The following SYT1 variants were observed in gnomAD, a reference collection of about 807,000 sequenced individuals.
SYT1 encodes synaptotagmin 1, also known as synaptotagmin-1.
Under a neutral mutation model 44.8 loss-of-function variants are expected in SYT1, and 8 were observed. The ratio of observed to expected loss-of-function variants is 0.18; its 90% confidence interval spans 0.10 to 0.32. SYT1 has a LOEUF of 0.32. Among genes scored for constraint, SYT1 ranks in the 10% least tolerant of loss-of-function variants. The pLI, the probability that SYT1 is intolerant of heterozygous loss-of-function variation, is 1.00. For missense variants in SYT1, 286 were observed against 509.3 expected (o/e 0.56, Z 4.22); for synonymous variants, 154 against 188.8 (o/e 0.82, Z 1.51).
intron 1 of SYT1, among the ~76,000 whole-genome samples, chr12:78,906,708 T>C (rs1014796934): frequency 3.9e-5 from 6 of 152,026 alleles, no homozygotes; most frequent in African/African-American, 1.2e-4. Context: ...GGGGTGTCTG[T>C]CCTGGTGTAA....
At chr12:79,185,591 A>T (rs1872758209) in intron 3 of SYT1, among the ~76,000 whole-genome samples, 1 of 152,070 alleles carries the variant, frequency 6.6e-6, no homozygotes, top group African/African-American at 2.4e-5. Context: ...ATATATGTTA[A>T]AAAAAGAGTA....
At chr12:79,354,819 T>A (rs1249350464) in intron 9 of SYT1, among the ~76,000 whole-genome samples, 1 of 152,192 alleles carries the variant, frequency 6.6e-6, no homozygotes. Flanking sequence ...CCCTCCTAGA[T>A]TATTACTTAG....
intron 9 of SYT1, among the ~76,000 whole-genome samples, chr12:79,399,961 G>A (rs1394018943): frequency 6.6e-6 from 1 of 152,192 alleles, no homozygotes; most frequent in African/African-American, 2.4e-5. Flanking sequence ...AGCTTCTAGA[G>A]ATCTTTAACC....
chr12:78,947,266 T>C (rs757152485), intron 1 of SYT1, among the ~76,000 whole-genome samples: 2 of 152,134 alleles, frequency 1.3e-5, no homozygotes, highest in East Asian at 1.9e-4. Flanking sequence ...TACCAAATGA[T>C]AGAGAGGAAA....
At chr12:79,259,794 T>A (rs2138724594) in intron 4 of SYT1, among the ~76,000 whole-genome samples, 1 of 152,306 alleles carries the variant, frequency 6.6e-6, no homozygotes, top group East Asian at 1.9e-4. Context: ...TGGAGCCATA[T>A]GGGGCAAAGT....
At chr12:79,245,949 A>G (rs1229317825) in intron 4 of SYT1, among the ~76,000 whole-genome samples, 1 of 152,142 alleles carries the variant, frequency 6.6e-6, no homozygotes, top group Non-Finnish European at 1.5e-5. Flanking sequence ...TAATTGAGAT[A>G]CGTGGAAAGA....
intron 9 of SYT1, among the ~76,000 whole-genome samples, chr12:79,410,018 T>C (rs925548853): frequency 5.9e-5 from 9 of 152,154 alleles, no homozygotes; most frequent in African/African-American, 1.9e-4. Context: ...TTATTGCTCA[T>C]ATCTTCATGG....
chr12:79,260,793 C>T (rs1877787669), intron 4 of SYT1, among the ~76,000 whole-genome samples: 2 of 135,350 alleles, frequency 1.5e-5, no homozygotes, highest in South Asian at 4.7e-4. Context: ...TCTGTTTTTA[C>T]AGAAATCTCA....
chr12:79,171,539 T>C (rs1430088077), intron 3 of SYT1, among the ~76,000 whole-genome samples: 1 of 152,068 alleles, frequency 6.6e-6, no homozygotes, highest in Admixed American at 6.6e-5. Flanking sequence ...TTCACATGAC[T>C]TGTGTATTAT....
intron 3 of SYT1, among the ~76,000 whole-genome samples, chr12:79,179,526 GATAT>G (rs1565842499): frequency 4.8e-4 from 7 of 14,504 alleles, no homozygotes; most frequent in Non-Finnish European, 8.1e-4. Context: ...TATCTATATA[GATAT>G]AGATATAGAT....
At chr12:79,310,176 C>A (rs1880700486) in intron 8 of SYT1, among the ~76,000 whole-genome samples, 1 of 151,964 alleles carries the variant, frequency 6.6e-6, no homozygotes, top group Admixed American at 6.6e-5. Flanking sequence ...TTTAATCCAT[C>A]TTGAATTAAT....
intron 2 of SYT1, among the ~76,000 whole-genome samples, chr12:78,985,483 C>T (rs1869577687): frequency 6.6e-6 from 1 of 151,498 alleles, no homozygotes; most frequent in African/African-American, 2.4e-5. Context: ...TTTTATGTTA[C>T]ATAGAAGGAG....
At position 78,883,943 on chromosome 12, in the gene SYT1, A is replaced by G. The variant is rs1047059404; in HGVS notation, c.-217+18834A>G. Among the ~76,000 whole-genome samples, 3 of 151,710 alleles carry G rather than the reference A, an allele frequency of 2.0e-5. No individual in the cohort carries two copies. The East Asian group carries it at 5.8e-4, about 29-fold the overall frequency. On this transcript the variant is annotated intron_variant, in intron 1 of 10. Coordinates refer to ENST00000261205, the MANE Select transcript of SYT1 (RefSeq NM_005639.3). Reference sequence around the variant, plus strand: ...TGATTCATTTCTAGTAAAGAGAAATATTTTAAAGGAAATATTTTAGCTTGT... The same window carrying G: ...TGATTCATTTCTAGTAAAGAGAAATGTTTTAAAGGAAATATTTTAGCTTGT...
chr12:78,982,732 A>G (rs1869356105), intron 2 of SYT1, among the ~76,000 whole-genome samples: 3 of 152,286 alleles, frequency 2.0e-5, no homozygotes, highest in Admixed American at 2.0e-4. Context: ...ATACCTCAAA[A>G]TTTATAACTG....
chr12:79,430,329 C>T (rs940686892), intron 9 of SYT1, among the ~76,000 whole-genome samples: 3 of 152,192 alleles, frequency 2.0e-5, no homozygotes, highest in Non-Finnish European at 4.4e-5. Flanking sequence ...AAAACACACA[C>T]GGTCTTAGGC....
intron 3 of SYT1, among the ~76,000 whole-genome samples, chr12:79,085,833 C>CT (rs1877342945): frequency 6.6e-6 from 1 of 152,054 alleles, no homozygotes; most frequent in Non-Finnish European, 1.5e-5. Context: ...TGAGATGGGA[C>CT]TTTGAGTACT....
At chr12:79,022,700 A>G (rs1872274936) in intron 2 of SYT1, among the ~76,000 whole-genome samples, 1 of 151,546 alleles carries the variant, frequency 6.6e-6, no homozygotes, top group Non-Finnish European at 1.5e-5. Context: ...TACTTTTAAT[A>G]TCTAGTAGGT....
chr12:79,214,578 G>C (rs1205867284), intron 3 of SYT1, among the ~76,000 whole-genome samples: 2 of 152,178 alleles, frequency 1.3e-5, no homozygotes, highest in African/African-American at 4.8e-5. Flanking sequence ...AGCAACTCAA[G>C]AAGTGAAGGA....
rs1217184656 is a variant in SYT1, at chr12:79,235,376, T to TA, written c.166+17695dup. On this transcript the variant is annotated intron_variant, in intron 4 of 10. Transcript: ENST00000261205. ...TCACAATGGATTGTAGACCTAAATG[T>TA]AAAAGTTAAAACTGTAAAACTTCTA... Among the ~76,000 whole-genome samples, 9 of 152,154 alleles carry TA rather than the reference T, an allele frequency of 5.9e-5. No homozygotes were observed. The East Asian group carries it at 1.7e-3, about 29-fold the overall frequency.
Sources: gnomAD v4.1 joint callset for allele counts (sites outside exome capture counted in the v4.1 genomes callset) on GRCh38, gnomAD v4.1.1 for gene constraint, MANE v1.5 for transcripts, NCBI Gene and HGNC (gene_info 2026-07-23, HGNC 2026-07-21) for gene names.